Variants in ZBTB25 observed in about 807,000 individuals in gnomAD.
ZBTB25 encodes zinc finger and BTB domain containing 25.
Under a neutral mutation model 34.2 loss-of-function variants are expected in ZBTB25, and 20 were observed. The observed-to-expected ratio is 0.58, with a 90% CI of 0.41 to 0.85. The LOEUF is 0.85. Ranked by LOEUF, ZBTB25 falls within the 40% of genes least tolerant of loss-of-function variation. ZBTB25 has a pLI of 0.00. For missense variants in ZBTB25, 437 were observed against 521.8 expected, an observed-to-expected ratio of 0.84 and a Z score of 1.58; for synonymous variants, 175 against 186.4, an observed-to-expected ratio of 0.94 and a Z score of 0.50.
Position 64,485,078 on chromosome 14 carries a change from T to C in ZBTB25, c.*1845A>G. On this transcript the variant is annotated 3_prime_UTR_variant, in exon 3 of 3. Transcript: ENST00000608382. ...GTTTAAGGCAGAAACTCAACTGCCT[T>C]ACACAATATCCAGTAGCTTTCTTCA... 1.0e-6 allele frequency: 1 copy of C among 985,472 alleles called. No individual in the cohort carries two copies. The allele number at this position is 985,472 out of a possible 1,614,324, so 61.0% of individuals were successfully genotyped here.
rs1220560036 is a variant in ZBTB25 at position 64,484,169 on chromosome 14, T to G, written c.*2754A>C. The G allele has an allele frequency of 6.6e-6, 1 of 152,184 alleles. No individual in the cohort carries two copies. Among genetic ancestry groups the G allele is most frequent in the Non-Finnish European group, 1.5e-5 (1 of 68,044 alleles). The allele number at this position is 152,184 out of a possible 1,614,324, so 9.4% of individuals were successfully genotyped here. A position where few individuals can be genotyped will look rare whatever the true frequency, so the allele number is the denominator to read the frequency against. ...TTGAATTTCTAATATTAAAAGGAAC[T>G]ATAAGAATAGAAATACAGTTAACCA... On this transcript the variant is annotated 3_prime_UTR_variant, in exon 3 of 3. Transcript: ENST00000608382.
At chr14:64,449,315 C>G in exon 3 of ZBTB25, 2 of 1,117,016 alleles carry the variant, frequency 1.8e-6, no homozygotes, top group South Asian at 2.5e-5. Flanking sequence ...GAGATTCAAA[C>G]CCAGGCCAAA....
Position 64,454,831 on chromosome 14 carries a change from C to T in ZBTB25, c.174-5193G>A, listed in dbSNP as rs1038153439. 18 of 1,614,196 alleles carry T rather than the reference C, an allele frequency of 1.1e-5. No homozygotes were observed. Among genetic ancestry groups the T allele is most frequent in the Admixed American group, 3.3e-5 (2 of 60,026 alleles). On this transcript the variant is annotated intron_variant, in intron 2 of 2. Transcript: ENST00000555220. ...CTTCATTCTGCCCATTCGCGACATC[C>T]GCGCCAGCGTTGGGGCTGGTTTTCT...
At chr14:64,457,226 AGC>A (rs1194965800) in intron 2 of ZBTB25, among the ~76,000 whole-genome samples, 9 of 152,208 alleles carry the variant, frequency 5.9e-5, no homozygotes, top group African/African-American at 1.7e-4. Context: ...CAGCTCAGCT[AGC>A]AAGACTGAAC....
chr14:64,504,514 A>C (rs114439474), upstream of ZBTB25: 2,006 of 167,568 alleles, frequency 0.012, 50 homozygotes, highest in African/African-American at 0.046. Flanking sequence ...GGGGTGGTCA[A>C]GCCGCCGCCG....
At chr14:64,469,287 A>C in intron 2 of ZBTB25, 1 of 1,613,178 alleles carries the variant, frequency 6.2e-7, no homozygotes, top group South Asian at 1.1e-5. Flanking sequence ...GAAAGTACAG[A>C]GATTGTAGCT....
intron 2 of ZBTB25, chr14:64,449,757 C>T (rs2078340497): frequency 8.0e-6 from 8 of 1,002,140 alleles, no homozygotes; most frequent in African/African-American, 1.6e-5. Context: ...AGGTGACTTA[C>T]ACAACCACAG....
chr14:64,504,568 G>A (rs1469290274), upstream of ZBTB25: 4 of 205,602 alleles, frequency 1.9e-5, no homozygotes, highest in Non-Finnish European at 3.9e-5. Flanking sequence ...CCTCCTCGGA[G>A]CTCGACGCAG....
chr14:64,472,714 G>T (rs2078686927), intron 2 of ZBTB25: 1 of 166,748 alleles, frequency 6.0e-6, no homozygotes, highest in Non-Finnish European at 1.5e-5. Context: ...GAATTCTAAG[G>T]TGATTCAAAT....
downstream of ZBTB25, among the ~76,000 whole-genome samples, chr14:64,476,406 A>T (rs2078719697): frequency 1.3e-5 from 2 of 151,860 alleles, no homozygotes; most frequent in Non-Finnish European, 2.9e-5. Flanking sequence ...GCTCACTGCA[A>T]CCTCCACATC....
At chr14:64,454,481 G>C (rs987575944) in intron 2 of ZBTB25, among the ~76,000 whole-genome samples, 3 of 151,270 alleles carry the variant, frequency 2.0e-5, no homozygotes, top group Non-Finnish European at 2.9e-5. Context: ...TATTTCCATA[G>C]ATGGAAATAA....
At chr14:64,452,962 C>A (rs994381109) in intron 2 of ZBTB25, among the ~76,000 whole-genome samples, 8 of 151,900 alleles carry the variant, frequency 5.3e-5, no homozygotes, top group African/African-American at 1.9e-4. Context: ...CTCAAGTGAT[C>A]CTCCTGCCTT....
At chr14:64,473,709 T>C (rs1016801707), downstream of ZBTB25, 1 of 167,048 alleles carries the variant, frequency 6.0e-6, no homozygotes, top group African/African-American at 2.4e-5. Flanking sequence ...TATTGAAATA[T>C]GTAGTCTACT....
intron 1 of ZBTB25, among the ~76,000 whole-genome samples, chr14:64,500,511 AG>A (rs1344571581): frequency 2.0e-5 from 3 of 150,664 alleles, no homozygotes; most frequent in Non-Finnish European, 4.4e-5. Flanking sequence ...CTGCTAGCAA[AG>A]GGAAAGCAGA....
chr14:64,468,567 TGGC>T, intron 2 of ZBTB25: 1 of 1,614,056 alleles, frequency 6.2e-7, no homozygotes, highest in Non-Finnish European at 8.5e-7. Flanking sequence ...GCTGCTGATG[TGGC>T]AAGGAAGTGT....
chr14:64,474,413 A>G (rs1178899731), downstream of ZBTB25: 1 of 167,066 alleles, frequency 6.0e-6, no homozygotes, highest in Non-Finnish European at 1.5e-5. Flanking sequence ...ATCAGATGAT[A>G]ATATTAAATA....
chr14:64,501,241 A>G (rs2140028176), intron 1 of ZBTB25, among the ~76,000 whole-genome samples: 1 of 152,338 alleles, frequency 6.6e-6, no homozygotes, highest in East Asian at 1.9e-4. Context: ...AATAAATACT[A>G]TATGCGAGGC....
Position 64,487,841 on chromosome 14 carries a change from G to A in ZBTB25, c.390C>T (p.Gly130=). The A allele has an allele frequency of 6.2e-7, 1 of 1,614,182 alleles. No individual in the cohort carries two copies. Among genetic ancestry groups the A allele is most frequent in the Non-Finnish European group, 8.5e-7 (1 of 1,180,038 alleles). ...PETVQSSNLY[G]IQISTTQKTV... ...TTTTTTGGGTTGTTGAGATCTGAAT[G>A]CCATATAAATTTGAGGACTGCACAG... The change falls in exon 3 of 3, where the codon GGC becomes GGT. Residue 130 remains glycine (G), a synonymous_variant. Transcript: ENST00000608382.
At chr14:64,495,223 T>C (rs1041929105) in intron 1 of ZBTB25, among the ~76,000 whole-genome samples, 2 of 152,248 alleles carry the variant, frequency 1.3e-5, no homozygotes, top group Non-Finnish European at 2.9e-5. Context: ...TTTGTGTTTT[T>C]GTTTTTTGCA....
Sources: gnomAD v4.1 joint callset for allele counts (sites outside exome capture counted in the v4.1 genomes callset) on GRCh38, gnomAD v4.1.1 for gene constraint, MANE v1.5 for transcripts, NCBI Gene and HGNC (gene_info 2026-07-23, HGNC 2026-07-21) for gene names.